The following PLA2G2C variants were observed in gnomAD, a reference collection of about 807,000 sequenced individuals.
PLA2G2C encodes the protein phospholipase A2 group IIC.
PLA2G2C carries 15 observed loss-of-function variants against 14.3 expected under a neutral mutation model. That is an observed-to-expected ratio of 1.05 (90% confidence interval 0.70 to 1.62). The LOEUF (loss-of-function observed/expected upper bound fraction) is 1.62, where lower values mean the gene tolerates loss of function less well. Ranked by LOEUF, PLA2G2C falls within the 40% of genes most tolerant of loss-of-function variation. The probability of loss-of-function intolerance (pLI) is 0.00; values close to 1 mark genes in which losing one functional copy is unlikely to be tolerated. For missense variants in PLA2G2C, 162 were observed against 173.2 expected (o/e 0.94, Z 0.36); for synonymous variants, 79 against 67.7 (o/e 1.17, Z -0.82).
intron 1 of PLA2G2C, chr1:20,184,258 A>C (rs181776551): frequency 6.6e-6 from 1 of 152,290 alleles, no homozygotes; most frequent in Non-Finnish European, 1.5e-5. Flanking sequence ...TCTCCAAAGG[A>C]TTGTATAATT....
rs1353058450 is a variant in PLA2G2C, at chr1:20,163,932, T to C, written c.*59A>G. 2 of 1,532,576 alleles carry C rather than the reference T, an allele frequency of 1.3e-6. No individual in the cohort carries two copies. Among genetic ancestry groups the C allele is most frequent in the East Asian group, 4.7e-5 (2 of 42,764 alleles). The allele number at this position is 1,532,576 out of a possible 1,614,324, so 94.9% of individuals were successfully genotyped here. A position where few individuals can be genotyped will look rare whatever the true frequency, so the allele number is the denominator to read the frequency against. On this transcript the variant is annotated 3_prime_UTR_variant, in exon 5 of 5. Coordinates refer to ENST00000679259, the MANE Select transcript of PLA2G2C (RefSeq NM_001367969.2). Reference sequence around the variant, plus strand: ...CCTGTTGGGGATGATCTGAGAAGGCTTCCTGGAAGAGCAACACTAGAGCGG... The same window carrying C: ...CCTGTTGGGGATGATCTGAGAAGGCCTCCTGGAAGAGCAACACTAGAGCGG...
intron 2 of PLA2G2C, among the ~76,000 whole-genome samples, chr1:20,176,550 G>A (rs2100721671): frequency 6.6e-6 from 1 of 152,348 alleles, no homozygotes; most frequent in East Asian, 1.9e-4. Flanking sequence ...AGAAACCCAT[G>A]GGCGGTCACT....
intron 4 of PLA2G2C, among the ~76,000 whole-genome samples, chr1:20,170,177 G>A (rs1028053307): frequency 6.6e-6 from 1 of 152,248 alleles, no homozygotes; most frequent in Non-Finnish European, 1.5e-5. Flanking sequence ...ATCTATCACA[G>A]AGGCTCATAC....
intron 1 of PLA2G2C, among the ~76,000 whole-genome samples, chr1:20,181,593 G>A (rs887813240): frequency 2.7e-5 from 4 of 150,272 alleles, no homozygotes; most frequent in Admixed American, 6.7e-5. Context: ...CCCAAGCAGC[G>A]AAGCAGGTAT....
chr1:20,185,362 C>A (rs895082561), intron 1 of PLA2G2C, among the ~76,000 whole-genome samples: 1 of 152,114 alleles, frequency 6.6e-6, no homozygotes, highest in African/African-American at 2.4e-5. Context: ...AGGGAGGATC[C>A]TTTTGAGAAT....
Position 20,164,052 on chromosome 1 carries a change from T to G in PLA2G2C, c.389A>C (p.Glu130Ala). Reference sequence around the variant, plus strand: ...GCTGGAGAACTGCTTGAAGTTTTTCTCATAGGTGGGCAGGCTCTCTTTGAA... The same window carrying G: ...GCTGGAGAACTGCTTGAAGTTTTTCGCATAGGTGGGCAGGCTCTCTTTGAA... ...HCFKESLPTY[E>A]KNFKQFSSQP... The change falls in exon 5 of 5, where the codon GAG becomes GCG. Residue 130 changes from glutamate to alanine, a missense_variant. Physicochemically the swap from Glu to Ala is moderately radical, Grantham distance 107 (BLOSUM62 -1). Coordinates refer to ENST00000679259, the MANE Select transcript of PLA2G2C (RefSeq NM_001367969.2). 20 of 1,613,806 alleles carry G rather than the reference T, an allele frequency of 1.2e-5. No homozygotes were observed. The highest frequency in any genetic ancestry group is 1.7e-5 in the Admixed American group (1 of 60,012).
chr1:20,167,483 G>A (rs564495789), intron 4 of PLA2G2C, among the ~76,000 whole-genome samples: 78 of 152,180 alleles, frequency 5.1e-4, no homozygotes, highest in African/African-American at 1.2e-3. Context: ...AGGTCCTGTC[G>A]GCCCTGACCC....
chr1:20,174,422 A>G (rs1054223527), intron 3 of PLA2G2C, among the ~76,000 whole-genome samples: 19 of 152,166 alleles, frequency 1.2e-4, no homozygotes, highest in African/African-American at 4.3e-4. Flanking sequence ...GCCTGAAGCC[A>G]GGTTTGTGCC....
chr1:20,177,460 C>A, intron 1 of PLA2G2C, 21 bp from the exon 2 acceptor site: 1 of 592,370 alleles, frequency 1.7e-6, no homozygotes, highest in Non-Finnish European at 3.0e-6. Context: ...ACAAAATGAC[C>A]AAAATGAGGC....
At chr1:20,177,514 G>T in intron 1 of PLA2G2C, 75 bp from the exon 2 acceptor site, 1 of 506,354 alleles carries the variant, frequency 2.0e-6, no homozygotes, top group East Asian at 3.2e-5. Context: ...GCCTTGGAAA[G>T]ACCTCAGCAG....
At chr1:20,165,757 TGCATGTGTGTGTATGTGCGTGC>T (rs1177516313) in intron 4 of PLA2G2C, among the ~76,000 whole-genome samples, 3 of 152,024 alleles carry the variant, frequency 2.0e-5, no homozygotes, top group Non-Finnish European at 4.4e-5. Context: ...TGTCCATGTG[TGCATGTGTGTGTATGTGCGTGC>T]GCATGTGTGT....
chr1:20,175,561 T>C (rs2018168670), intron 2 of PLA2G2C, among the ~76,000 whole-genome samples: 1 of 152,116 alleles, frequency 6.6e-6, no homozygotes, highest in Non-Finnish European at 1.5e-5. Flanking sequence ...AGAAACAAAA[T>C]ACTTAAGAGG....
chr1:20,165,057 C>G (rs1336728757), intron 4 of PLA2G2C, among the ~76,000 whole-genome samples: 1 of 152,224 alleles, frequency 6.6e-6, no homozygotes, highest in African/African-American at 2.4e-5. Flanking sequence ...CCTCCGTGGC[C>G]AGGCACACTT....
chr1:20,179,625 G>C (rs1054400973), intron 1 of PLA2G2C, among the ~76,000 whole-genome samples: 4 of 137,214 alleles, frequency 2.9e-5, no homozygotes, highest in East Asian at 4.4e-4. Flanking sequence ...GTCAGTTTCT[G>C]TGTGTGTGTG....
At chr1:20,164,193 C>T in intron 4 of PLA2G2C, 36 bp from the exon 5 acceptor site, 2 of 1,588,956 alleles carry the variant, frequency 1.3e-6, no homozygotes, top group Non-Finnish European at 1.7e-6. Context: ...GGGCTCCCAG[C>T]CCAGCCCCAG....
intron 4 of PLA2G2C, among the ~76,000 whole-genome samples, chr1:20,165,734 G>A (rs1245294820): frequency 6.6e-6 from 1 of 151,062 alleles, no homozygotes; most frequent in African/African-American, 2.4e-5. Flanking sequence ...GTATGCTTGT[G>A]TGTGCAGGTA....
At chr1:20,164,275 G>T in intron 4 of PLA2G2C, 118 bp from the exon 5 acceptor site, 1 of 1,008,948 alleles carries the variant, frequency 9.9e-7, no homozygotes. Flanking sequence ...AGAAAGGAAA[G>T]CCACTGAAAG....
intron 2 of PLA2G2C, among the ~76,000 whole-genome samples, chr1:20,175,847 T>C (rs756118265): frequency 6.6e-6 from 1 of 152,042 alleles, no homozygotes; most frequent in Non-Finnish European, 1.5e-5. Context: ...CAGGCAACAT[T>C]CATTTTATAC....
At chr1:20,170,448 T>G (rs2018051827) in intron 4 of PLA2G2C, among the ~76,000 whole-genome samples, 1 of 152,236 alleles carries the variant, frequency 6.6e-6, no homozygotes, top group African/African-American at 2.4e-5. Context: ...GAGCAGGGAC[T>G]GGGTCTGCTT....
Sources: allele counts gnomAD v4.1 joint callset (sites outside exome capture counted in the v4.1 genomes callset), GRCh38; gene constraint gnomAD v4.1.1; transcripts MANE v1.5; gene names NCBI Gene and HGNC (gene_info 2026-07-23, HGNC 2026-07-21).